PDE1B: variants seen among roughly 807,000 people sequenced by gnomAD.
The protein encoded by PDE1B is dual specificity calcium/calmodulin-dependent 3',5'-cyclic nucleotide phosphodiesterase 1B.
A neutral mutation model predicts 66.7 loss-of-function variants in PDE1B; 13 were observed. That is an observed-to-expected ratio of 0.19 (90% CI 0.13 to 0.31). The LOEUF is 0.31. Among genes scored for constraint, PDE1B ranks in the 10% least tolerant of loss-of-function variants. The probability of loss-of-function intolerance (pLI) is 1.00; values close to 1 mark genes in which losing one functional copy is unlikely to be tolerated. For synonymous variants in PDE1B, 230 were observed against 253.9 expected (o/e 0.91, Z 0.90); for missense variants, 485 against 682.3 (o/e 0.71, Z 3.22).
chr12:54,550,193 A>G, intron 2 of PDE1B: 1 of 1,406,258 alleles, frequency 7.1e-7, no homozygotes, highest in African/African-American at 1.4e-5. Context: ...GAGCGGGCTT[A>G]GGAGTTGCAA....
At position 54,569,427 on chromosome 12, in the gene PDE1B, C is replaced by A; in HGVS notation, c.410+61C>A. 1.9e-6 allele frequency: 3 copies of A among 1,589,608 alleles called. No homozygotes were observed. The South Asian group carries it at 3.4e-5, about 18-fold the overall frequency. On this transcript the variant is annotated intron_variant, in intron 4 of 15. Coordinates refer to ENST00000243052, the MANE Select transcript of PDE1B (RefSeq NM_000924.4). The surrounding 1 kb of genome is among the most constrained non-coding windows in gnomAD (Gnocchi z 4.4). Reference sequence around the variant, plus strand: ...TAGCTGTGCCCCTCTTTCCCAGCCACCCTGGTCTTCCATGACCACCAGCCA... The same window carrying A: ...TAGCTGTGCCCCTCTTTCCCAGCCAACCTGGTCTTCCATGACCACCAGCCA...
chr12:54,562,571 T>C (rs1327447425), intron 2 of PDE1B, among the ~76,000 whole-genome samples: 1 of 152,110 alleles, frequency 6.6e-6, no homozygotes, highest in Non-Finnish European at 1.5e-5. Flanking sequence ...AGGGTTTGGA[T>C]TAAAACTGAT....
At position 54,550,467 on chromosome 12, in the gene PDE1B, T is replaced by C. The variant is rs142829675; in HGVS notation, c.113+482T>C. Among the ~76,000 whole-genome samples, 158 of 152,324 alleles carry C rather than the reference T, an allele frequency of 1.0e-3. 1 individual carries two copies. The highest frequency in any genetic ancestry group is 3.5e-3 in the African/African-American group (146 of 41,564). On this transcript the variant is annotated intron_variant, in intron 2 of 15. Transcript: ENST00000243052. ...AATACTTGTGCCAACCTGTGGGTCA[T>C]ATGTATCTCAGTTGGGATTGGTAGT...
At chr12:54,577,543 C>T in intron 15 of PDE1B, 198 bp downstream of exon 15, 1 of 1,546,422 alleles carries the variant, frequency 6.5e-7, no homozygotes, top group Non-Finnish European at 8.7e-7. Flanking sequence ...CCCCCAGTCC[C>T]TGCAGGAACA....
At chr12:54,574,746 G>A (rs1957699848) in intron 10 of PDE1B, 2 of 181,210 alleles carry the variant, frequency 1.1e-5, no homozygotes, top group African/African-American at 4.8e-5. Flanking sequence ...CGAGGCAGGT[G>A]GATAGCTTGA....
At chr12:54,552,614 A>AAT (rs571289079) in intron 2 of PDE1B, among the ~76,000 whole-genome samples, 176 of 152,314 alleles carry the variant, frequency 1.2e-3, no homozygotes, top group African/African-American at 3.8e-3. Flanking sequence ...AGCATCCAAG[A>AAT]ATTCTGTTTC....
chr12:54,569,205 C>T lies in PDE1B; in HGVS notation c.249C>T (p.Asp83=), dbSNP rs761895551. The change falls in exon 4 of 16, where the codon GAC becomes GAT. Residue 83 remains aspartate, a synonymous_variant. Coordinates refer to ENST00000243052, the MANE Select transcript of PDE1B (RefSeq NM_000924.4). The surrounding 1 kb of genome is among the most constrained non-coding windows in gnomAD (Gnocchi z 4.4). ...DETRQILDTE[D]ELQELRSDAV... ...TCAGGCAAATCTTGGACACGGAGGA[C>T]GAGCTGCAGGAGCTGCGGTCAGATG... is the stretch of plus-strand genomic sequence containing the variant. The T allele has an allele frequency of 1.1e-5, 18 of 1,608,634 alleles. No individual in the cohort carries two copies. In the East Asian group the frequency reaches 1.3e-4, roughly 12 times the overall value.
At chr12:54,556,903 G>A (rs947421714) in intron 2 of PDE1B, among the ~76,000 whole-genome samples, 6 of 152,162 alleles carry the variant, frequency 3.9e-5, no homozygotes, top group African/African-American at 1.2e-4. Context: ...CTGGGGGCTG[G>A]TTGTAGGGAG....
intron 15 of PDE1B, 149 bp downstream of exon 15, chr12:54,577,494 G>C (rs769387610): frequency 6.3e-7 from 1 of 1,594,450 alleles, no homozygotes; most frequent in African/African-American, 1.3e-5. Context: ...TGGAGCCAAA[G>C]TGTGGGTGGA....
intron 2 of PDE1B, among the ~76,000 whole-genome samples, chr12:54,551,916 C>G (rs1363344047): frequency 6.6e-6 from 1 of 152,174 alleles, no homozygotes; most frequent in Non-Finnish European, 1.5e-5. Context: ...TTCTGGTCTT[C>G]ACTCACTTCA....
intron 2 of PDE1B, among the ~76,000 whole-genome samples, chr12:54,550,869 T>C (rs1288186870): frequency 6.6e-6 from 1 of 151,860 alleles, no homozygotes; most frequent in Non-Finnish European, 1.5e-5. Context: ...CCCTGCTCCT[T>C]AGAAAAAAAA....
intron 2 of PDE1B, among the ~76,000 whole-genome samples, chr12:54,557,929 C>T (rs1172128368): frequency 3.9e-5 from 6 of 152,044 alleles, no homozygotes. Flanking sequence ...CCCACCCCTC[C>T]CAATTCCTCT....
chr12:54,552,595 G>A lies in PDE1B; in HGVS notation c.113+2610G>A, dbSNP rs368118851. 2.6e-4 allele frequency among the ~76,000 whole-genome samples: 39 copies of A among 152,264 alleles called. 1 individual carries two copies. In the South Asian group the frequency reaches 7.9e-3, roughly 31 times the overall value. On this transcript the variant is annotated intron_variant, in intron 2 of 15. Transcript: ENST00000243052. ...ATATAATAGTGCAGGGCAATTTTTT[G>A]TTGGGAAGAGCATCCAAGAATTCTG...
At position 54,576,625 on chromosome 12, in the gene PDE1B, T is replaced by C. The variant is rs775142880; in HGVS notation, c.1431T>C (p.Asp477=). ...TGGAAGTGGGAGACCCCAACCCTGA[T>C]GTGGTCAGCTTTCGTTCCACCTGGG... ...LDVEVGDPNP[D]VVSFRSTWVK... The change falls in exon 14 of 16, where the codon GAT becomes GAC. Residue 477 remains aspartate, a synonymous_variant. Coordinates refer to ENST00000243052, the MANE Select transcript of PDE1B (RefSeq NM_000924.4). 2.2e-5 allele frequency: 36 copies of C among 1,613,890 alleles called. No homozygotes were observed. The highest frequency in any genetic ancestry group is 2.8e-5 in the Non-Finnish European group (33 of 1,179,972).
chr12:54,568,494 A>G (rs1020974653), intron 3 of PDE1B, among the ~76,000 whole-genome samples: 26 of 151,144 alleles, frequency 1.7e-4, no homozygotes, highest in African/African-American at 6.3e-4. Context: ...ACACACACAC[A>G]CACACACACA....
rs1488871539 is a variant in PDE1B at position 54,575,382 on chromosome 12, T to C, written c.1185+164T>C. On this transcript the variant is annotated intron_variant, in intron 11 of 15. Transcript: ENST00000243052. The surrounding 1 kb of genome is among the most constrained non-coding windows in gnomAD (Gnocchi z 4.0). ...CCCCATTATCCTAAAAGCCTAACAA[T>C]AGTTGCATTTCATTTGCATATATTT... 5.2e-6 allele frequency: 4 copies of C among 773,862 alleles called. No homozygotes were observed. The highest frequency in any genetic ancestry group is 3.9e-5 in the Admixed American group (2 of 50,764). 47.9% of individuals were successfully genotyped at this position (773,862 alleles called of 1,614,324 possible).
In PDE1B at chr12:54,572,745, G is replaced by T. The variant is rs772624676; in HGVS notation, c.735+4G>T. ...CTTGCTCCGCACAGGGATGGTGGTA[G>T]GTGCCCTGGAGATGATTCTTCTGTG... On this transcript the variant is annotated splice_donor_region_variant and intron_variant, in intron 7 of 15. Transcript: ENST00000243052. 4 of 1,613,836 alleles carry T rather than the reference G, an allele frequency of 2.5e-6. No homozygotes were observed. The highest frequency in any genetic ancestry group is 3.4e-6 in the Non-Finnish European group (4 of 1,179,712).
Position 54,573,777 on chromosome 12 carries a change from AC to A in PDE1B, c.1064+69del. On this transcript the variant is annotated intron_variant, in intron 10 of 15. Coordinates refer to ENST00000243052, the MANE Select transcript of PDE1B (RefSeq NM_000924.4). This position sits in a 1 kb window ranked among gnomAD's most constrained non-coding sequence, Gnocchi z 5.2. ...GGGTGTGTGAACTGGGGGGGTATAC[AC>A]AAGGGTAGTTGGTGTGCCAGGTCTT... 8.7e-7 allele frequency: 1 copy of A among 1,155,146 alleles called. No individual in the cohort carries two copies. The highest frequency in any genetic ancestry group is 1.3e-6 in the Non-Finnish European group (1 of 766,590). 71.6% of individuals were successfully genotyped at this position (1,155,146 alleles called of 1,614,324 possible). A position where few individuals can be genotyped will look rare whatever the true frequency, so the allele number is the denominator to read the frequency against.
intron 2 of PDE1B, among the ~76,000 whole-genome samples, chr12:54,555,266 C>A (rs1213192933): frequency 6.6e-6 from 1 of 152,216 alleles, no homozygotes; most frequent in Non-Finnish European, 1.5e-5. Context: ...GGGGAATTCC[C>A]TTCGGACATT....
Sources: allele counts gnomAD v4.1 joint callset (sites outside exome capture counted in the v4.1 genomes callset), GRCh38; gene constraint gnomAD v4.1.1; non-coding constraint Gnocchi (gnomAD v3.1); transcripts MANE v1.5; gene names NCBI Gene and HGNC (gene_info 2026-07-23, HGNC 2026-07-21).